Variants in CTNNA2 observed in about 807,000 individuals in gnomAD.
CTNNA2 encodes catenin alpha-2.
CTNNA2 carries 42 observed loss-of-function variants against 101.0 expected under a neutral mutation model. The ratio of observed to expected loss-of-function variants is 0.42; its 90% confidence interval spans 0.32 to 0.54. The LOEUF is 0.54. Among genes scored for constraint, CTNNA2 ranks in the 20% least tolerant of loss-of-function variants. The probability of loss-of-function intolerance (pLI) is 0.14; values close to 1 mark genes in which losing one functional copy is unlikely to be tolerated. For missense variants in CTNNA2, 871 were observed against 1,223.1 expected (o/e 0.71, Z 4.29); for synonymous variants, 450 against 456.4 (o/e 0.99, Z 0.18).
intron 1 of CTNNA2, among the ~76,000 whole-genome samples, chr2:79,545,893 A>T (rs1673702408): frequency 2.0e-5 from 3 of 152,214 alleles, no homozygotes; most frequent in African/African-American, 7.2e-5. Context: ...GTCAGGCACT[A>T]TTCTAAGCTC....
chr2:79,420,738 T>C (rs1448407194), intron 4 of CTNNA2, among the ~76,000 whole-genome samples: 1 of 152,098 alleles, frequency 6.6e-6, no homozygotes, highest in African/African-American at 2.4e-5. Context: ...TAATAAATAT[T>C]TAAACTATGT....
At chr2:79,778,579 G>GTATATACA (rs200645246) in intron 3 of CTNNA2, among the ~76,000 whole-genome samples, 7 of 151,852 alleles carry the variant, frequency 4.6e-5, no homozygotes, top group Non-Finnish European at 1.0e-4. Flanking sequence ...AAACATATAC[G>GTATATACA]TATATACATA....
Position 80,531,094 on chromosome 2 carries a change from G to T in CTNNA2, c.1291-13888G>T, listed in dbSNP as rs542723380. On this transcript the variant is annotated intron_variant, in intron 9 of 18. Coordinates refer to ENST00000402739, the MANE Select transcript of CTNNA2 (RefSeq NM_001282597.3). ...CTGAGGGCAGGGAGGGAGCTGTTAAGGGGAATGAGTTGGTTCAAAGGTCAT... is the reference window on the plus strand; with the variant it reads ...CTGAGGGCAGGGAGGGAGCTGTTAATGGGAATGAGTTGGTTCAAAGGTCAT... Among the ~76,000 whole-genome samples, 7 of 152,272 alleles carry T rather than the reference G, an allele frequency of 4.6e-5. No homozygotes were observed. The South Asian group carries it at 1.5e-3, about 32-fold the overall frequency.
At chr2:79,194,827 G>A (rs1049657616) in intron 1 of CTNNA2, among the ~76,000 whole-genome samples, 1 of 152,184 alleles carries the variant, frequency 6.6e-6, no homozygotes, top group Non-Finnish European at 1.5e-5. Context: ...AATCATTTCA[G>A]AGACACCAGA....
intron 1 of CTNNA2, among the ~76,000 whole-genome samples, chr2:79,594,957 GA>G (rs752740610): frequency 2.0e-5 from 3 of 151,426 alleles, no homozygotes; most frequent in Non-Finnish European, 2.9e-5. Context: ...CTCTTATATA[GA>G]TTTTTTTTTT....
At chr2:80,467,653 T>G (rs753720677) in intron 9 of CTNNA2, among the ~76,000 whole-genome samples, 7 of 152,222 alleles carry the variant, frequency 4.6e-5, no homozygotes, top group Non-Finnish European at 2.9e-5. Flanking sequence ...CTGCACAGTC[T>G]GAATGTTTAT....
intron 9 of CTNNA2, among the ~76,000 whole-genome samples, chr2:80,451,867 T>C (rs918150144): frequency 1.1e-4 from 17 of 151,900 alleles, no homozygotes; most frequent in Non-Finnish European, 2.2e-4. Context: ...ATTTATTTTT[T>C]ATCGGAAAAA....
chr2:79,539,174 T>C (rs1673253684), intron 1 of CTNNA2, among the ~76,000 whole-genome samples: 2 of 152,208 alleles, frequency 1.3e-5, no homozygotes, highest in South Asian at 4.1e-4. Flanking sequence ...GGTGTTGTGC[T>C]GTTATTAAAA....
At chr2:79,504,135 T>C (rs1322272115) in intron 4 of CTNNA2, among the ~76,000 whole-genome samples, 1 of 152,178 alleles carries the variant, frequency 6.6e-6, no homozygotes, top group Non-Finnish European at 1.5e-5. Context: ...GGGCAAAGTA[T>C]CATGGAATGG....
At chr2:80,045,984 G>A (rs1696496086) in intron 7 of CTNNA2, among the ~76,000 whole-genome samples, 1 of 152,168 alleles carries the variant, frequency 6.6e-6, no homozygotes, top group Non-Finnish European at 1.5e-5. Context: ...ACTCAGCAGA[G>A]CATCAGACAG....
intron 8 of CTNNA2, among the ~76,000 whole-genome samples, chr2:80,410,085 C>T (rs1185928217): frequency 6.6e-6 from 1 of 152,096 alleles, no homozygotes; most frequent in Non-Finnish European, 1.5e-5. Context: ...TTGTCTTTTG[C>T]AGGGAGCTGT....
intron 7 of CTNNA2, among the ~76,000 whole-genome samples, chr2:80,251,810 T>C (rs1256944493): frequency 6.6e-6 from 1 of 152,178 alleles, no homozygotes; most frequent in Non-Finnish European, 1.5e-5. Flanking sequence ...TAAGAGTCAT[T>C]GGAGCTAACG....
At chr2:80,322,645 C>G (rs529593119) in intron 7 of CTNNA2, among the ~76,000 whole-genome samples, 48 of 152,000 alleles carry the variant, frequency 3.2e-4, no homozygotes, top group African/African-American at 9.2e-4. Context: ...CCAGCCGCCG[C>G]GTGTGTTGTC....
intron 7 of CTNNA2, among the ~76,000 whole-genome samples, chr2:80,184,744 C>T (rs547722685): frequency 6.8e-4 from 103 of 152,240 alleles, no homozygotes; most frequent in Non-Finnish European, 1.2e-3. Flanking sequence ...TCCTAATAGA[C>T]AGTGAAAAGA....
intron 4 of CTNNA2, among the ~76,000 whole-genome samples, chr2:79,472,394 C>A (rs1671009250): frequency 6.6e-6 from 1 of 152,164 alleles, no homozygotes; most frequent in Admixed American, 6.5e-5. Context: ...ATCCACCTGG[C>A]CTTTTGTAAG....
intron 1 of CTNNA2, among the ~76,000 whole-genome samples, chr2:79,574,541 C>T (rs888126384): frequency 6.6e-6 from 1 of 152,248 alleles, no homozygotes; most frequent in African/African-American, 2.4e-5. Context: ...CTGCAGAGGA[C>T]ATGATCTCCT....
chr2:79,629,720 G>A (rs946201456), intron 1 of CTNNA2, among the ~76,000 whole-genome samples: 1 of 152,160 alleles, frequency 6.6e-6, no homozygotes, highest in Non-Finnish European at 1.5e-5. Context: ...GATGGGAGAG[G>A]GAGGAAAGGA....
Position 80,364,556 on chromosome 2 carries a change from A to ATT in CTNNA2, c.1057-28636_1057-28635dup, listed in dbSNP as rs57073635. On this transcript the variant is annotated intron_variant, in intron 7 of 18. Transcript: ENST00000402739. The stretch of plus-strand genomic sequence containing the variant: ...CTGTATTATAATTTGAGAGAAAGTA[A>ATT]TTTTTTTTTTTTTTTTTTTTCTGAT... Among the ~76,000 whole-genome samples, 744 of 123,460 alleles carry ATT rather than the reference A, an allele frequency of 6.0e-3. 14 individuals are homozygous for ATT. Among genetic ancestry groups the ATT allele is most frequent in the African/African-American group, 0.019 (635 of 33,490 alleles). The allele number at this position is 123,460 out of a possible 152,430, so 81.0% of individuals were successfully genotyped here.
intron 2 of CTNNA2, among the ~76,000 whole-genome samples, chr2:79,670,684 GT>G (rs1317506013): frequency 6.6e-6 from 1 of 152,072 alleles, no homozygotes; most frequent in African/African-American, 2.4e-5. Context: ...CTAATACTTA[GT>G]TTTTGGCAAA....
Sources: gnomAD v4.1 joint callset for allele counts (sites outside exome capture counted in the v4.1 genomes callset) on GRCh38, gnomAD v4.1.1 for gene constraint, MANE v1.5 for transcripts, NCBI Gene and HGNC (gene_info 2026-07-23, HGNC 2026-07-21) for gene names.